The following ARMH3 variants were observed in gnomAD, a reference collection of about 807,000 sequenced individuals.
ARMH3 encodes armadillo like helical domain containing 3.
In ARMH3, 60 loss-of-function variants were observed where a neutral mutation model predicts 99.1. That is an observed-to-expected ratio of 0.61 (90% confidence interval 0.49 to 0.75). ARMH3 has a LOEUF of 0.75. ARMH3 is among the 30% of genes least tolerant of loss of function. The probability of loss-of-function intolerance (pLI) is 0.00; values close to 1 mark genes in which losing one functional copy is unlikely to be tolerated. For synonymous variants in ARMH3, 285 were observed against 292.8 expected (o/e 0.97, Z 0.27); for missense variants, 679 against 843.1 (o/e 0.81, Z 2.41).
chr10:101,937,444 G>A (rs972083897), intron 23 of ARMH3, among the ~76,000 whole-genome samples: 4 of 151,794 alleles, frequency 2.6e-5, no homozygotes, highest in East Asian at 3.9e-4. Flanking sequence ...GCTTGAGCCT[G>A]GGAAGCGGAG....
intron 1 of ARMH3, among the ~76,000 whole-genome samples, chr10:102,043,750 A>AT (rs2067476252): frequency 2.0e-5 from 3 of 152,240 alleles, no homozygotes; most frequent in Admixed American, 1.3e-4. Flanking sequence ...ATTATAAAAA[A>AT]GAATCAGGCA....
At chr10:101,905,505 AG>A (rs2068081747) in intron 23 of ARMH3, among the ~76,000 whole-genome samples, 1 of 152,242 alleles carries the variant, frequency 6.6e-6, no homozygotes, top group Non-Finnish European at 1.5e-5. Flanking sequence ...CTTTCAAGGA[AG>A]GTTACATCTG....
chr10:101,920,121 G>A (rs1251149032), intron 23 of ARMH3, among the ~76,000 whole-genome samples: 1 of 152,210 alleles, frequency 6.6e-6, no homozygotes, highest in African/African-American at 2.4e-5. Flanking sequence ...TAAGATGAGT[G>A]AGACATAGAT....
intron 23 of ARMH3, among the ~76,000 whole-genome samples, chr10:101,913,724 C>G (rs1842964691): frequency 6.6e-6 from 1 of 152,196 alleles, no homozygotes; most frequent in Non-Finnish European, 1.5e-5. Context: ...ATGTCCTCAG[C>G]AGACCTGTTT....
intron 23 of ARMH3, among the ~76,000 whole-genome samples, chr10:101,893,811 T>A (rs1231266763): frequency 1.3e-5 from 2 of 152,178 alleles, no homozygotes; most frequent in Admixed American, 1.3e-4. Context: ...TGTACACTTG[T>A]TTCCTTCCCT....
rs956679405 is a variant in ARMH3, at chr10:102,046,050, G to A, written c.-11-5925C>T. 2.6e-5 allele frequency among the ~76,000 whole-genome samples: 4 copies of A among 151,968 alleles called. No individual in the cohort carries two copies. The South Asian group carries it at 6.2e-4, about 24-fold the overall frequency. On this transcript the variant is annotated intron_variant, in intron 1 of 25. Transcript: ENST00000370033. ...GAGGAGGTTACAGTGAGACGAGATC[G>A]CACCATTGCACTCCAGCCTGGGCAA...
intron 20 of ARMH3, among the ~76,000 whole-genome samples, chr10:101,961,940 A>G (rs10509754): frequency 0.27 from 40,716 of 152,182 alleles, 5,776 homozygotes; most frequent in East Asian, 0.52. Context: ...AGGATGTACC[A>G]TTTAATTTAA....
chr10:101,850,306 C>T (rs2066565676), intron 24 of ARMH3, among the ~76,000 whole-genome samples: 2 of 151,820 alleles, frequency 1.3e-5, no homozygotes, highest in South Asian at 4.2e-4. Flanking sequence ...GCCATGTTGG[C>T]CAGGCTGGTC....
chr10:102,026,872 G>A (rs968343915), intron 5 of ARMH3, among the ~76,000 whole-genome samples: 1 of 152,228 alleles, frequency 6.6e-6, no homozygotes, highest in African/African-American at 2.4e-5. Context: ...TGTAAGCATG[G>A]AGACTAATGA....
chr10:101,995,500 T>C, intron 15 of ARMH3, 145 bp from the exon 16 acceptor site: 1 of 675,772 alleles, frequency 1.5e-6, no homozygotes, highest in South Asian at 1.9e-5. Context: ...AAGGTACTAC[T>C]ATAGTAATTC....
chr10:102,045,953 G>A (rs2136273738), intron 1 of ARMH3, among the ~76,000 whole-genome samples: 1 of 152,066 alleles, frequency 6.6e-6, no homozygotes, highest in East Asian at 1.9e-4. Flanking sequence ...AAATTAGACG[G>A]GCATGGTGGC....
chr10:102,032,937 G>A, intron 4 of ARMH3, 89 bp downstream of exon 4: 1 of 1,441,696 alleles, frequency 6.9e-7, no homozygotes, highest in Non-Finnish European at 9.4e-7. Flanking sequence ...TCATACCTCA[G>A]AGCAACTCTA....
chr10:102,006,073 C>T (rs1326688101), intron 14 of ARMH3, among the ~76,000 whole-genome samples: 1 of 152,260 alleles, frequency 6.6e-6, no homozygotes, highest in African/African-American at 2.4e-5. Context: ...GGTTCTCAGT[C>T]TCTACTCTCA....
At chr10:102,009,335 T>A in intron 13 of ARMH3, 39 bp downstream of exon 13, 1 of 1,554,650 alleles carries the variant, frequency 6.4e-7, no homozygotes, top group South Asian at 1.1e-5. Context: ...GTATGAAATT[T>A]AGAGAGAAAA....
rs147849225 is a variant in ARMH3 at position 101,850,699 on chromosome 10, A to G, written c.1861-807T>C. On this transcript the variant is annotated intron_variant, in intron 24 of 25. Transcript: ENST00000370033. ...CTTGACCTCCAAAAGTGCTGGGATT[A>G]CAGGCGTGAGCCACTGCACCCACCG... Among the ~76,000 whole-genome samples, 1,421 of 152,302 alleles carry G rather than the reference A, an allele frequency of 9.3e-3. 18 individuals carry two copies. The highest frequency in any genetic ancestry group is 0.032 in the African/African-American group (1,349 of 41,552).
intron 24 of ARMH3, among the ~76,000 whole-genome samples, chr10:101,878,191 G>C (rs968735224): frequency 7.9e-5 from 12 of 152,328 alleles, no homozygotes; most frequent in African/African-American, 2.4e-4. Flanking sequence ...CCAGGAGGCA[G>C]AGGTTGCAGT....
At chr10:102,035,727 G>A (rs1331886451) in intron 2 of ARMH3, among the ~76,000 whole-genome samples, 1 of 152,260 alleles carries the variant, frequency 6.6e-6, no homozygotes, top group Admixed American at 6.5e-5. Flanking sequence ...CCAGGCTGGA[G>A]TGCAGTGGTG....
intron 23 of ARMH3, among the ~76,000 whole-genome samples, chr10:101,936,542 G>C (rs1843986086): frequency 1.4e-5 from 2 of 147,912 alleles, no homozygotes; most frequent in South Asian, 4.3e-4. Context: ...GATGTACTTA[G>C]GAAACACTCT....
chr10:101,905,476 T>C (rs1238390124), intron 23 of ARMH3, among the ~76,000 whole-genome samples: 2 of 152,200 alleles, frequency 1.3e-5, no homozygotes, highest in Non-Finnish European at 2.9e-5. Flanking sequence ...AATCATTCTC[T>C]CTCAAAGAAT....
Sources: allele counts gnomAD v4.1 joint callset (sites outside exome capture counted in the v4.1 genomes callset), GRCh38; gene constraint gnomAD v4.1.1; transcripts MANE v1.5; gene names NCBI Gene and HGNC (gene_info 2026-07-23, HGNC 2026-07-21).